PPP1CB: variants seen among roughly 807,000 people sequenced by gnomAD.
PPP1CB encodes the protein protein phosphatase 1 catalytic subunit beta, also known as serine/threonine-protein phosphatase PP1-beta catalytic subunit.
In PPP1CB, 2 loss-of-function variants were observed where a neutral mutation model predicts 43.7. That is an observed-to-expected ratio of 0.05 (90% CI 0.02 to 0.14). The LOEUF (loss-of-function observed/expected upper bound fraction) is 0.14. Ranked by LOEUF, PPP1CB falls within the 10% of genes least tolerant of loss-of-function variation. The pLI, the probability that PPP1CB is intolerant of heterozygous loss-of-function variation, is 1.00. For synonymous variants in PPP1CB, 136 were observed against 135.6 expected, an observed-to-expected ratio of 1.00 and a Z score of -0.02; for missense variants, 84 against 398.0, an observed-to-expected ratio of 0.21 and a Z score of 6.71.
intron 1 of PPP1CB, among the ~76,000 whole-genome samples, chr2:28,772,361 C>T (rs1666933576): frequency 6.6e-6 from 1 of 152,060 alleles, no homozygotes; most frequent in Admixed American, 6.6e-5. Flanking sequence ...TTAAATCCAA[C>T]GAATACCACC....
intron 1 of PPP1CB, among the ~76,000 whole-genome samples, chr2:28,753,835 G>A (rs895779092): frequency 6.6e-6 from 1 of 152,086 alleles, no homozygotes; most frequent in African/African-American, 2.4e-5. Context: ...CCGGGTTCGA[G>A]CGATTCTTCC....
intron 2 of PPP1CB, chr2:28,778,268 C>T (rs1159833144): frequency 2.3e-6 from 1 of 432,518 alleles, no homozygotes; most frequent in Non-Finnish European, 4.8e-6. Flanking sequence ...GTTTTAGTTA[C>T]CTATTGTTGT....
intron 2 of PPP1CB, 81 bp from the exon 3 acceptor site, chr2:28,778,728 A>T (rs191963617): frequency 1.1e-6 from 1 of 876,662 alleles, no homozygotes; most frequent in Non-Finnish European, 1.8e-6. Flanking sequence ...ATTACACAGG[A>T]TGTGAACATT....
intron 1 of PPP1CB, among the ~76,000 whole-genome samples, chr2:28,754,821 C>T (rs567982295): frequency 1.5e-4 from 23 of 152,106 alleles, no homozygotes; most frequent in Non-Finnish European, 2.9e-4. Flanking sequence ...GTCAAATGAA[C>T]GTGTAAGTAA....
chr2:28,772,634 T>C (rs1020506583), intron 1 of PPP1CB, among the ~76,000 whole-genome samples: 2 of 152,224 alleles, frequency 1.3e-5, no homozygotes, highest in Non-Finnish European at 2.9e-5. Context: ...AGTAAAGATA[T>C]TGTCATATGT....
At chr2:28,772,317 G>A (rs1666932219) in intron 1 of PPP1CB, among the ~76,000 whole-genome samples, 3 of 151,998 alleles carry the variant, frequency 2.0e-5, no homozygotes, top group Admixed American at 6.6e-5. Flanking sequence ...AAAAAAAAGG[G>A]TACTTGACAA....
chr2:28,796,992 G>A (rs944946843), intron 7 of PPP1CB, among the ~76,000 whole-genome samples: 2 of 152,042 alleles, frequency 1.3e-5, no homozygotes, highest in Non-Finnish European at 2.9e-5. Flanking sequence ...AACATGAAAG[G>A]GTGTTGAATT....
At chr2:28,772,959 C>T (rs542606944) in intron 1 of PPP1CB, among the ~76,000 whole-genome samples, 1 of 152,108 alleles carries the variant, frequency 6.6e-6, no homozygotes, top group African/African-American at 2.4e-5. Context: ...AAAGAGCATT[C>T]TTATGTTTCT....
intron 1 of PPP1CB, among the ~76,000 whole-genome samples, chr2:28,769,259 G>C (rs1666848839): frequency 6.6e-6 from 1 of 152,156 alleles, no homozygotes; most frequent in South Asian, 2.1e-4. Flanking sequence ...TTTTGAGATG[G>C]AGTTTTGCTC....
chr2:28,762,456 TCA>T (rs747234238), intron 1 of PPP1CB, among the ~76,000 whole-genome samples: 10 of 152,360 alleles, frequency 6.6e-5, no homozygotes, highest in Admixed American at 1.3e-4. Context: ...CTGTTTTGTT[TCA>T]GTCTTTTGAT....
intron 1 of PPP1CB, among the ~76,000 whole-genome samples, chr2:28,776,349 G>GC (rs926763165): frequency 1.3e-5 from 2 of 151,716 alleles, no homozygotes; most frequent in Admixed American, 6.6e-5. Context: ...TGCAACCTCT[G>GC]CCCCCGGGTT....
chr2:28,774,008 A>G (rs1192978020), intron 1 of PPP1CB, among the ~76,000 whole-genome samples: 1 of 152,230 alleles, frequency 6.6e-6, no homozygotes, highest in Non-Finnish European at 1.5e-5. Context: ...TCCTACAGTT[A>G]GTGAAAATAT....
intron 1 of PPP1CB, among the ~76,000 whole-genome samples, chr2:28,772,041 G>T (rs1479773682): frequency 6.6e-6 from 1 of 152,120 alleles, no homozygotes; most frequent in Non-Finnish European, 1.5e-5. Flanking sequence ...CAATGGCCAG[G>T]TGCAGTGGCT....
Position 28,802,288 on chromosome 2 carries a change from A to T in PPP1CB, c.*2985A>T, listed in dbSNP as rs1667635597. 1 of 152,256 alleles carries T rather than the reference A, an allele frequency of 6.6e-6. No homozygotes were observed. 9.4% of individuals were successfully genotyped at this position (152,256 alleles called of 1,614,324 possible). ...GTATATTCTTTTTGTCTCCATGGCAACCATAACTTTTGAACCAAAAAAAAT... is the reference window on the plus strand; with the variant it reads ...GTATATTCTTTTTGTCTCCATGGCATCCATAACTTTTGAACCAAAAAAAAT... On this transcript the variant is annotated 3_prime_UTR_variant, in exon 8 of 8. Transcript: ENST00000395366.
At chr2:28,784,498 A>C (rs1334608043) in intron 5 of PPP1CB, among the ~76,000 whole-genome samples, 2 of 152,024 alleles carry the variant, frequency 1.3e-5, no homozygotes, top group East Asian at 1.9e-4. Flanking sequence ...TCCTAGGCTC[A>C]AGCAATCCTC....
At chr2:28,786,262 T>C (rs932662502) in intron 5 of PPP1CB, among the ~76,000 whole-genome samples, 3 of 152,092 alleles carry the variant, frequency 2.0e-5, no homozygotes, top group Admixed American at 1.3e-4. Flanking sequence ...AACAGGTTCC[T>C]GCCACTGTGC....
Position 28,802,239 on chromosome 2 carries a change from A to C in PPP1CB, c.*2936A>C, listed in dbSNP as rs1417660350. ...TATTATTTTAAGCCAAGGAGCTGAA[A>C]TATATCTCAGTTTATAAATTCAGGT... On this transcript the variant is annotated 3_prime_UTR_variant, in exon 8 of 8. Coordinates refer to ENST00000395366, the MANE Select transcript of PPP1CB (RefSeq NM_002709.3). The C allele has an allele frequency of 1.3e-5, 2 of 152,248 alleles. No individual in the cohort carries two copies. The highest frequency in any genetic ancestry group is 4.8e-5 in the African/African-American group (2 of 41,472). 9.4% of individuals were successfully genotyped at this position (152,248 alleles called of 1,614,324 possible).
At chr2:28,751,671 G>C, upstream of PPP1CB, 1 of 186,854 alleles carries the variant, frequency 5.4e-6, no homozygotes, top group Non-Finnish European at 1.1e-5. Context: ...GGGAGAAGCC[G>C]CTCCAGTGCG....
chr2:28,783,626 G>A (rs945375291), intron 4 of PPP1CB, among the ~76,000 whole-genome samples: 23 of 152,026 alleles, frequency 1.5e-4, no homozygotes, highest in South Asian at 2.1e-4. Context: ...ATGTGGTGGC[G>A]CGCGTCTGTA....
Sources: allele counts gnomAD v4.1 joint callset (sites outside exome capture counted in the v4.1 genomes callset), GRCh38; gene constraint gnomAD v4.1.1; transcripts MANE v1.5; gene names NCBI Gene and HGNC (gene_info 2026-07-23, HGNC 2026-07-21).